RASA1: variants seen among roughly 807,000 people sequenced by gnomAD.
RASA1 encodes the protein RAS p21 protein activator 1.
Under a neutral mutation model 132.2 loss-of-function variants are expected in RASA1, and 25 were observed. That is an observed-to-expected ratio of 0.19 (90% confidence interval 0.14 to 0.26). The LOEUF (loss-of-function observed/expected upper bound fraction) is 0.26, where lower values mean the gene tolerates loss of function less well. Among genes scored for constraint, RASA1 ranks in the 10% least tolerant of loss-of-function variants. The probability of loss-of-function intolerance (pLI) is 1.00; values close to 1 mark genes in which losing one functional copy is unlikely to be tolerated. For missense variants in RASA1, 964 were observed against 1,299.2 expected (o/e 0.74, Z 3.97); for synonymous variants, 477 against 449.9 (o/e 1.06, Z -0.76).
Position 87,268,304 on chromosome 5 carries a change from G to A in RASA1, c.-148G>A. On this transcript the variant is annotated 5_prime_UTR_variant, in exon 1 of 25. Coordinates refer to ENST00000274376, the MANE Select transcript of RASA1 (RefSeq NM_002890.3). Reference sequence around the variant, plus strand: ...GGCTGTGGCCCTAGGAGGGGGCGCGGCGGCGGGCTCTCTCCTTTTGTTGTT... The same window carrying A: ...GGCTGTGGCCCTAGGAGGGGGCGCGACGGCGGGCTCTCTCCTTTTGTTGTT... The A allele has an allele frequency of 8.7e-7, 1 of 1,148,778 alleles. No homozygotes were observed. The highest frequency in any genetic ancestry group is 1.2e-6 in the Non-Finnish European group (1 of 839,370). 71.2% of individuals were successfully genotyped at this position (1,148,778 alleles called of 1,614,324 possible). A position where few individuals can be genotyped will look rare whatever the true frequency, so the allele number is the denominator to read the frequency against.
intron 1 of RASA1, among the ~76,000 whole-genome samples, chr5:87,282,100 G>A (rs1754345381): frequency 6.6e-6 from 1 of 151,632 alleles, no homozygotes; most frequent in African/African-American, 2.4e-5. Flanking sequence ...TTTTATTTCA[G>A]TCATCAACTA....
At chr5:87,277,968 A>G (rs1754139184) in intron 1 of RASA1, among the ~76,000 whole-genome samples, 1 of 152,126 alleles carries the variant, frequency 6.6e-6, no homozygotes, top group South Asian at 2.1e-4. Context: ...CTGTTACTCC[A>G]GCAAATTTTC....
intron 22 of RASA1, 124 bp from the exon 23 acceptor site, chr5:87,386,702 A>G (rs914209127): frequency 6.4e-6 from 5 of 776,964 alleles, no homozygotes; most frequent in South Asian, 2.8e-5. Flanking sequence ...GGGTTTTGCT[A>G]TATTAATTTG....
At chr5:87,335,659 C>T (rs1757924195) in intron 4 of RASA1, among the ~76,000 whole-genome samples, 2 of 151,934 alleles carry the variant, frequency 1.3e-5, no homozygotes, top group African/African-American at 4.8e-5. Context: ...CTACTGACCT[C>T]GGGTGATCTG....
chr5:87,333,467 T>C (rs1405817870), intron 4 of RASA1, 130 bp downstream of exon 4: 4 of 1,379,648 alleles, frequency 2.9e-6, no homozygotes, highest in East Asian at 5.0e-5. Context: ...GCTTTTGATA[T>C]TGGGTCTGTT....
intron 1 of RASA1, among the ~76,000 whole-genome samples, chr5:87,329,958 A>G (rs1757492515): frequency 6.6e-6 from 1 of 152,146 alleles, no homozygotes. Flanking sequence ...TGAAAGTTAA[A>G]TTTACTTGTC....
chr5:87,319,337 C>T (rs1040680766), intron 1 of RASA1, among the ~76,000 whole-genome samples: 6 of 152,200 alleles, frequency 3.9e-5, no homozygotes, highest in African/African-American at 1.2e-4. Flanking sequence ...TCCCACATTT[C>T]CCCCTCTGCA....
chr5:87,377,157 A>T, intron 17 of RASA1, 117 bp downstream of exon 17: 1 of 1,344,304 alleles, frequency 7.4e-7, no homozygotes, highest in Non-Finnish European at 1.0e-6. Context: ...AAAATAAGTT[A>T]TTCTGTTTTC....
chr5:87,321,712 G>A (rs771554006), intron 1 of RASA1, among the ~76,000 whole-genome samples: 2 of 152,268 alleles, frequency 1.3e-5, no homozygotes, highest in Non-Finnish European at 2.9e-5. Context: ...CTCCCAGCAA[G>A]TGGATGAGTT....
chr5:87,355,960 A>C (rs940118621), intron 9 of RASA1, among the ~76,000 whole-genome samples: 1 of 152,098 alleles, frequency 6.6e-6, no homozygotes, highest in Non-Finnish European at 1.5e-5. Flanking sequence ...TGACTGAATT[A>C]CTCCACTTTT....
chr5:87,349,272 A>C lies in RASA1; in HGVS notation c.1161A>C (p.Ser387=), dbSNP rs1193516592. ...RPSDNTPGDY[S]LYFRTNENIQ... is the part of the protein sequence containing the mutation. ...CAGATAATACTCCTGGCGATTATTC[A>C]CTTTATTTCCGGACCAATGAAAATA... Residue 387 remains serine (S), a synonymous_variant, in exon 8 of 25, where the codon TCA becomes TCC. Transcript: ENST00000274376. 1.9e-6 allele frequency: 3 copies of C among 1,612,064 alleles called. No homozygotes were observed. Among genetic ancestry groups the C allele is most frequent in the African/African-American group, 1.3e-5 (1 of 74,804 alleles).
chr5:87,324,419 T>C (rs918687902), intron 1 of RASA1, among the ~76,000 whole-genome samples: 2 of 152,038 alleles, frequency 1.3e-5, no homozygotes, highest in African/African-American at 2.4e-5. Flanking sequence ...TTCACAATCA[T>C]GGTTGAGTGC....
chr5:87,312,777 C>T (rs1756015553), intron 1 of RASA1, among the ~76,000 whole-genome samples: 1 of 152,136 alleles, frequency 6.6e-6, no homozygotes, highest in Admixed American at 6.5e-5. Context: ...TACACAGGCT[C>T]CTCAGAGTAC....
chr5:87,299,988 A>T lies in RASA1; in HGVS notation c.539+30998A>T, dbSNP rs139855021. Among the ~76,000 whole-genome samples, 361 of 152,300 alleles carry T rather than the reference A, an allele frequency of 2.4e-3. 1 individual carries two copies. The highest frequency in any genetic ancestry group is 8.2e-3 in the African/African-American group (339 of 41,560). On this transcript the variant is annotated intron_variant, in intron 1 of 24. Transcript: ENST00000274376. The stretch of plus-strand genomic sequence containing the variant: ...CTAAGGAGTTATACTATTTTCTTAT[A>T]ATTTTTTTCCTTTGGACACTATAAT...
intron 23 of RASA1, 104 bp downstream of exon 23, chr5:87,387,007 A>G: frequency 2.8e-6 from 3 of 1,074,150 alleles, no homozygotes; most frequent in Non-Finnish European, 4.1e-6. Context: ...ATCCAAAACT[A>G]AAAAGACAAA....
intron 8 of RASA1, among the ~76,000 whole-genome samples, chr5:87,351,893 C>T (rs1759306768): frequency 6.6e-6 from 1 of 151,764 alleles, no homozygotes. Flanking sequence ...TGAGGTGCTA[C>T]AGTGGATTGA....
chr5:87,374,334 TATC>T lies in RASA1; in HGVS notation c.1934+17_1934+19del, dbSNP rs1398687130. The T allele has an allele frequency of 4.4e-6, 7 of 1,594,204 alleles. No homozygotes were observed. Among genetic ancestry groups the T allele is most frequent in the Non-Finnish European group, 6.0e-6 (7 of 1,167,202 alleles). On this transcript the variant is annotated intron_variant, in intron 14 of 24. Transcript: ENST00000274376. ...GTTTGTCTTTGAGTAAGTCTTATTTTATCATTACATTAATCATTTTCTTTTACC... is the reference window on the plus strand; with the variant it reads ...GTTTGTCTTTGAGTAAGTCTTATTTTATTACATTAATCATTTTCTTTTACC...
intron 1 of RASA1, among the ~76,000 whole-genome samples, chr5:87,274,352 CA>C (rs1018519434): frequency 6.6e-6 from 1 of 152,058 alleles, no homozygotes; most frequent in African/African-American, 2.4e-5. Flanking sequence ...CTTATTAAGT[CA>C]AATAATTGGT....
intron 1 of RASA1, among the ~76,000 whole-genome samples, chr5:87,297,822 C>T (rs1030537500): frequency 1.3e-5 from 2 of 152,122 alleles, no homozygotes; most frequent in Non-Finnish European, 2.9e-5. Flanking sequence ...ACTGGATCCT[C>T]CTGGAGTTTT....
Sources: allele counts gnomAD v4.1 joint callset (sites outside exome capture counted in the v4.1 genomes callset), GRCh38; gene constraint gnomAD v4.1.1; transcripts MANE v1.5; gene names NCBI Gene and HGNC (gene_info 2026-07-23, HGNC 2026-07-21).